UNC79: variants seen among roughly 807,000 people sequenced by gnomAD.
UNC79 encodes protein unc-79 homolog.
In UNC79, 37 loss-of-function variants were observed where a neutral mutation model predicts 283.1. The ratio of observed to expected loss-of-function variants is 0.13; its 90% CI spans 0.10 to 0.17. The LOEUF (loss-of-function observed/expected upper bound fraction) is 0.17, where lower values mean the gene tolerates loss of function less well. UNC79 is among the 10% of genes least tolerant of loss of function. UNC79 has a pLI of 1.00. For synonymous variants in UNC79, 1,107 were observed against 1,200.2 expected, an observed-to-expected ratio of 0.92 and a Z score of 1.61; for missense variants, 2,272 against 3,211.1, an observed-to-expected ratio of 0.71 and a Z score of 7.07.
chr14:93,474,386 C>A lies in UNC79; in HGVS notation c.441C>A (p.Gly147=). 1.3e-6 allele frequency: 2 copies of A among 1,534,578 alleles called. No individual in the cohort carries two copies. The highest frequency in any genetic ancestry group is 2.4e-5 in the East Asian group (1 of 40,894). Residue 147 remains glycine (G), a synonymous_variant, in exon 3 of 49, where the codon GGC becomes GGA. Coordinates refer to ENST00000555664, the Ensembl canonical transcript of UNC79. The surrounding 1 kb of genome is among the most constrained non-coding windows in gnomAD (Gnocchi z 4.1). ...ATCTAGTTCCTTTACTACAGCACGG[C>A]CAACACGGTGAGCACTTAGCTGAAA... is the stretch of plus-strand genomic sequence containing the variant.
chr14:93,551,310 A>G (rs1233052789), intron 14 of UNC79, among the ~76,000 whole-genome samples: 1 of 152,202 alleles, frequency 6.6e-6, no homozygotes, highest in African/African-American at 2.4e-5. Context: ...CGGCCTCCCA[A>G]AGTGCTGGGA....
chr14:93,655,260 A>G (rs2070792652), exon 38 of UNC79: 1 of 1,613,940 alleles, frequency 6.2e-7, no homozygotes, highest in Non-Finnish European at 8.5e-7. Context: ...AGAATTTACC[A>G]GCAGGGGGTG....
intron 27 of UNC79, among the ~76,000 whole-genome samples, chr14:93,616,366 C>CTTTT (rs71463917): frequency 1.0e-5 from 1 of 96,244 alleles, no homozygotes. Context: ...TTCTTTTTTC[C>CTTTT]TTTTTTTTTT....
chr14:93,355,919 G>A (rs1176780297), intron 1 of UNC79, among the ~76,000 whole-genome samples: 1 of 151,970 alleles, frequency 6.6e-6, no homozygotes, highest in African/African-American at 2.4e-5. Context: ...TCAGCTCTCA[G>A]ATTAAATGTG....
exon 38 of UNC79, chr14:93,655,383 G>C (rs187321795): frequency 1.4e-5 from 22 of 1,614,024 alleles, no homozygotes; most frequent in African/African-American, 9.3e-5. Flanking sequence ...TTTTTGCCAA[G>C]CTGCCTTGTG....
chr14:93,507,089 T>A (rs534389438), intron 7 of UNC79, among the ~76,000 whole-genome samples: 190 of 152,336 alleles, frequency 1.2e-3, no homozygotes, highest in Non-Finnish European at 2.4e-3. Context: ...AGTAGTTCTT[T>A]TTTTTATTGC....
At chr14:93,551,779 C>A (rs964094324) in intron 14 of UNC79, among the ~76,000 whole-genome samples, 1 of 152,126 alleles carries the variant, frequency 6.6e-6, no homozygotes, top group Non-Finnish European at 1.5e-5. Context: ...TGAAGCCAAG[C>A]CCCACCCTTA....
upstream of UNC79, among the ~76,000 whole-genome samples, chr14:93,426,195 T>C (rs1055894968): frequency 6.6e-6 from 1 of 152,118 alleles, no homozygotes; most frequent in Non-Finnish European, 1.5e-5. Flanking sequence ...CAGTGTTAAT[T>C]TGCATTGATG....
intron 3 of UNC79, among the ~76,000 whole-genome samples, chr14:93,475,430 A>G (rs990382513): frequency 1.3e-5 from 2 of 152,236 alleles, no homozygotes; most frequent in Non-Finnish European, 2.9e-5. Flanking sequence ...TTAAAAATCT[A>G]CGGAGATAAA....
intron 2 of UNC79, among the ~76,000 whole-genome samples, chr14:93,472,740 A>T (rs2057583958): frequency 6.6e-6 from 1 of 152,114 alleles, no homozygotes; most frequent in Admixed American, 6.6e-5. Context: ...CATCACTGTA[A>T]AATTGTAAAT....
At chr14:93,530,699 G>A (rs2141051955) in intron 10 of UNC79, among the ~76,000 whole-genome samples, 1 of 152,156 alleles carries the variant, frequency 6.6e-6, no homozygotes, top group Admixed American at 6.5e-5. Context: ...CACAAGGTCA[G>A]GAAATCAAGA....
chr14:93,493,216 T>C (rs1463022964), intron 5 of UNC79, among the ~76,000 whole-genome samples: 2 of 152,056 alleles, frequency 1.3e-5, no homozygotes, highest in African/African-American at 4.8e-5. Flanking sequence ...AAGAGGAATC[T>C]CATGTGTCAC....
chr14:93,656,596 G>A lies in UNC79; in HGVS notation c.6456+1189G>A, dbSNP rs185069278. Among the ~76,000 whole-genome samples the A allele has an allele frequency of 1.7e-3, 263 of 152,176 alleles. 2 individuals are homozygous for A. The highest frequency in any genetic ancestry group is 0.013 in the Admixed American group (204 of 15,276). ...TTGAGCCCAGGAGGTTGAGACTGCA[G>A]TGAGCCATGATCGCACCACTGCACT... is the stretch of plus-strand genomic sequence containing the variant. On this transcript the variant is annotated intron_variant, in intron 38 of 48. Coordinates refer to ENST00000555664, the Ensembl canonical transcript of UNC79.
At chr14:93,344,679 A>G (rs2053786281) in intron 1 of UNC79, among the ~76,000 whole-genome samples, 1 of 152,268 alleles carries the variant, frequency 6.6e-6, no homozygotes, top group African/African-American at 2.4e-5. Context: ...GAAACAGAGC[A>G]ATGTTGCACT....
At chr14:93,637,533 C>G (rs763879333) in intron 32 of UNC79, among the ~76,000 whole-genome samples, 15 of 152,196 alleles carry the variant, frequency 9.9e-5, no homozygotes, top group Admixed American at 2.6e-4. Flanking sequence ...GTCTAGTCTT[C>G]TCTCATATAT....
intron 42 of UNC79, among the ~76,000 whole-genome samples, chr14:93,684,658 T>G (rs2074103905): frequency 1.3e-5 from 2 of 152,186 alleles, no homozygotes; most frequent in South Asian, 4.1e-4. Flanking sequence ...GAAGGAAATA[T>G]TAACAGTAGT....
intron 5 of UNC79, among the ~76,000 whole-genome samples, chr14:93,490,552 A>G (rs901437286): frequency 1.3e-5 from 2 of 152,206 alleles, no homozygotes; most frequent in Non-Finnish European, 2.9e-5. Context: ...AAACACTAGG[A>G]CATGAACACA....
rs113186501 is a variant in UNC79 at position 93,409,706 on chromosome 14, G to A, written c.-350-57965G>A. Among the ~76,000 whole-genome samples, 1,285 of 151,576 alleles carry A rather than the reference G, an allele frequency of 8.5e-3. 19 individuals are homozygous for A. Among genetic ancestry groups the A allele is most frequent in the African/African-American group, 0.03 (1,225 of 41,316 alleles). ...CTGTCTGTAAAATAAATAAATAAAT[G>A]GAAACATATATAAAAAATAAAATAT... On this transcript the variant is annotated intron_variant, in intron 1 of 49. Transcript: ENST00000256339.
At chr14:93,577,900 A>C (rs1412146493) in exon 18 of UNC79, 1 of 1,614,082 alleles carries the variant, frequency 6.2e-7, no homozygotes, top group Non-Finnish European at 8.5e-7. Flanking sequence ...AGTCCATTTC[A>C]TAGTCCTTTC....
Sources: allele counts gnomAD v4.1 joint callset (sites outside exome capture counted in the v4.1 genomes callset), GRCh38; gene constraint gnomAD v4.1.1; non-coding constraint Gnocchi (gnomAD v3.1); transcripts MANE v1.5; gene names NCBI Gene and HGNC (gene_info 2026-07-23, HGNC 2026-07-21).